Variants in SH3RF2 observed in about 807,000 individuals in gnomAD.
The protein encoded by SH3RF2 is E3 ubiquitin-protein ligase SH3RF2.
Under a neutral mutation model 59.0 loss-of-function variants are expected in SH3RF2, and 43 were observed. The observed-to-expected ratio is 0.73, with a 90% CI of 0.57 to 0.94. The LOEUF (loss-of-function observed/expected upper bound fraction) is 0.94. Among genes scored for constraint, SH3RF2 ranks in the 40% least tolerant of loss-of-function variants. SH3RF2 has a pLI of 0.00. For missense variants in SH3RF2, 930 were observed against 940.1 expected, an observed-to-expected ratio of 0.99 and a Z score of 0.14; for synonymous variants, 391 against 391.5, an observed-to-expected ratio of 1.00 and a Z score of 0.01.
chr5:146,045,444 T>C (rs1354550321), intron 5 of SH3RF2, among the ~76,000 whole-genome samples: 1 of 152,248 alleles, frequency 6.6e-6, no homozygotes, highest in Non-Finnish European at 1.5e-5. Flanking sequence ...ATTCTATCAC[T>C]TCAAAAAGAA....
intron 2 of SH3RF2, among the ~76,000 whole-genome samples, chr5:145,975,753 G>C (rs1759267382): frequency 6.6e-6 from 1 of 152,248 alleles, no homozygotes; most frequent in Non-Finnish European, 1.5e-5. Context: ...GGAAACAGAA[G>C]ATGTTGAATC....
chr5:146,014,860 C>T (rs1330395298), intron 5 of SH3RF2, among the ~76,000 whole-genome samples: 1 of 152,144 alleles, frequency 6.6e-6, no homozygotes, highest in African/African-American at 2.4e-5. Context: ...GTGGTCGTGG[C>T]AATCCAGAAG....
chr5:145,976,606 G>T (rs1379339811), intron 2 of SH3RF2, among the ~76,000 whole-genome samples: 2 of 152,166 alleles, frequency 1.3e-5, no homozygotes, highest in Non-Finnish European at 2.9e-5. Context: ...GTTCTAACTA[G>T]AAAAGTCAAG....
At chr5:146,020,958 G>A (rs1015401288) in intron 5 of SH3RF2, among the ~76,000 whole-genome samples, 2 of 152,116 alleles carry the variant, frequency 1.3e-5, no homozygotes, top group African/African-American at 4.8e-5. Flanking sequence ...GAATTCTGAG[G>A]TCTATAAAGC....
chr5:145,994,599 C>T (rs1341880158), intron 2 of SH3RF2, among the ~76,000 whole-genome samples: 4 of 152,144 alleles, frequency 2.6e-5, no homozygotes, highest in African/African-American at 4.8e-5. Context: ...TTGATACACC[C>T]ATCAGATCTC....
chr5:146,045,345 A>G (rs1334184694), intron 5 of SH3RF2, among the ~76,000 whole-genome samples: 1 of 152,228 alleles, frequency 6.6e-6, no homozygotes, highest in Non-Finnish European at 1.5e-5. Context: ...TCATTCACCT[A>G]CCATACAATT....
At position 145,997,207 on chromosome 5, in the gene SH3RF2, C is replaced by G; in HGVS notation, c.379-2851C>G. ...CATTGTCAATGTCTCAGATTTTCAC[C>G]CTGCTAGTAGATGGGAAAACTGACA... On this transcript the variant is annotated intron_variant, in intron 2 of 9. Coordinates refer to ENST00000359120, the MANE Select transcript of SH3RF2 (RefSeq NM_152550.4). 3 of 827,318 alleles carry G rather than the reference C, an allele frequency of 3.6e-6. No individual in the cohort carries two copies. In the South Asian group the frequency reaches 4.2e-5, roughly 12 times the overall value. The allele number at this position is 827,318 out of a possible 1,614,324, so 51.2% of individuals were successfully genotyped here.
chr5:146,030,754 T>C (rs1161819308), intron 5 of SH3RF2, among the ~76,000 whole-genome samples: 5 of 118,494 alleles, frequency 4.2e-5, no homozygotes, highest in South Asian at 3.1e-4. Context: ...TTTGAATTTA[T>C]TGGGGGGCAG....
chr5:146,037,307 A>G (rs974329271), intron 5 of SH3RF2, among the ~76,000 whole-genome samples: 6 of 152,154 alleles, frequency 3.9e-5, no homozygotes, highest in African/African-American at 1.4e-4. Context: ...ACAATGCCAA[A>G]GCTCAAACCC....
chr5:145,972,535 C>T (rs1198291787), intron 2 of SH3RF2, among the ~76,000 whole-genome samples: 1 of 152,200 alleles, frequency 6.6e-6, no homozygotes, highest in African/African-American at 2.4e-5. Flanking sequence ...CTCCAGGGTG[C>T]CATTCACACG....
chr5:145,980,348 G>T (rs891143646), intron 2 of SH3RF2, among the ~76,000 whole-genome samples: 2 of 150,092 alleles, frequency 1.3e-5, no homozygotes, highest in Admixed American at 1.3e-4. Flanking sequence ...TTAGATCAGG[G>T]TGTACATATT....
chr5:145,996,414 T>A (rs1760153948), intron 2 of SH3RF2, among the ~76,000 whole-genome samples: 3 of 152,160 alleles, frequency 2.0e-5, no homozygotes, highest in Admixed American at 2.0e-4. Context: ...AAGACTGGAG[T>A]GAGGCCATTT....
chr5:145,986,970 G>A (rs576621520), intron 2 of SH3RF2, among the ~76,000 whole-genome samples: 2 of 152,272 alleles, frequency 1.3e-5, no homozygotes, highest in South Asian at 4.1e-4. Context: ...CATATTCTGA[G>A]TGTTTGATAA....
intron 4 of SH3RF2, among the ~76,000 whole-genome samples, chr5:146,004,542 T>C (rs545880395): frequency 7.0e-4 from 106 of 152,316 alleles, no homozygotes; most frequent in African/African-American, 2.3e-3. Context: ...GGCGATGGTA[T>C]ATAATTATGA....
At chr5:145,983,371 G>A (rs979096554) in intron 2 of SH3RF2, among the ~76,000 whole-genome samples, 3 of 151,674 alleles carry the variant, frequency 2.0e-5, no homozygotes, top group Admixed American at 2.0e-4. Flanking sequence ...TAGTTATTAA[G>A]GAATGTCCAC....
intron 2 of SH3RF2, among the ~76,000 whole-genome samples, chr5:145,938,755 T>C (rs1330624450): frequency 6.6e-6 from 1 of 152,174 alleles, no homozygotes; most frequent in African/African-American, 2.4e-5. Flanking sequence ...AAATCCATCT[T>C]CCCACCCCTA....
chr5:146,066,675 T>C (rs959511026), downstream of SH3RF2, among the ~76,000 whole-genome samples: 1 of 152,146 alleles, frequency 6.6e-6, no homozygotes, highest in African/African-American at 2.4e-5. Context: ...AAAAAGGGTA[T>C]TTCAAGCAGG....
At chr5:145,991,594 T>C (rs1358516449) in intron 2 of SH3RF2, among the ~76,000 whole-genome samples, 1 of 152,238 alleles carries the variant, frequency 6.6e-6, no homozygotes, top group East Asian at 1.9e-4. Context: ...AAGAGGGTCT[T>C]CTTGTTAACA....
At chr5:145,962,804 T>C (rs1218718243) in intron 2 of SH3RF2, among the ~76,000 whole-genome samples, 4 of 151,680 alleles carry the variant, frequency 2.6e-5, no homozygotes, top group African/African-American at 9.7e-5. Flanking sequence ...TTGTAACACC[T>C]ATCTCCCTTT....
Sources: gnomAD v4.1 joint callset for allele counts (sites outside exome capture counted in the v4.1 genomes callset) on GRCh38, gnomAD v4.1.1 for gene constraint, MANE v1.5 for transcripts, NCBI Gene and HGNC (gene_info 2026-07-23, HGNC 2026-07-21) for gene names.